The following ATXN7L1 variants were observed in gnomAD, a reference collection of about 807,000 sequenced individuals.
ATXN7L1 encodes ataxin-7-like protein 1.
ATXN7L1 carries 15 observed loss-of-function variants against 70.8 expected under a neutral mutation model. The ratio of observed to expected loss-of-function variants is 0.21; its 90% CI spans 0.14 to 0.33. The LOEUF is 0.33. Ranked by LOEUF, ATXN7L1 falls within the 10% of genes least tolerant of loss-of-function variation. The pLI is 1.00. For synonymous variants in ATXN7L1, 440 were observed against 445.1 expected, an observed-to-expected ratio of 0.99 and a Z score of 0.14; for missense variants, 975 against 1,097.1, an observed-to-expected ratio of 0.89 and a Z score of 1.57.
intron 4 of ATXN7L1, among the ~76,000 whole-genome samples, chr7:105,660,216 C>T (rs1230218042): frequency 6.6e-6 from 1 of 152,122 alleles, no homozygotes; most frequent in African/African-American, 2.4e-5. Flanking sequence ...TGTGTGACCC[C>T]CCGAGCCATC....
At chr7:105,866,896 T>C (rs1817557563) in intron 2 of ATXN7L1, among the ~76,000 whole-genome samples, 1 of 152,220 alleles carries the variant, frequency 6.6e-6, no homozygotes, top group Non-Finnish European at 1.5e-5. Context: ...AGAAGAGGGA[T>C]TTGACCAGGA....
chr7:105,866,887 G>A (rs531639958), intron 2 of ATXN7L1, among the ~76,000 whole-genome samples: 14 of 152,202 alleles, frequency 9.2e-5, no homozygotes, highest in Non-Finnish European at 7.3e-5. Context: ...GGTCCTTAGA[G>A]AAGAGGGATT....
At chr7:105,810,462 C>A (rs1808268830) in intron 2 of ATXN7L1, among the ~76,000 whole-genome samples, 1 of 152,128 alleles carries the variant, frequency 6.6e-6, no homozygotes, top group East Asian at 1.9e-4. Flanking sequence ...TATAAAAAAA[C>A]AAACAAACAA....
chr7:105,768,116 C>G (rs1407080024), intron 3 of ATXN7L1, among the ~76,000 whole-genome samples: 1 of 152,230 alleles, frequency 6.6e-6, no homozygotes, highest in South Asian at 2.1e-4. Context: ...TGGGAACACT[C>G]TTCCTGCCAC....
At chr7:105,697,774 G>A (rs1417280849) in intron 3 of ATXN7L1, among the ~76,000 whole-genome samples, 2 of 152,186 alleles carry the variant, frequency 1.3e-5, no homozygotes, top group African/African-American at 4.8e-5. Context: ...TATTAATTTG[G>A]GGAAGTAATA....
chr7:105,631,863 G>C (rs1253267718), intron 7 of ATXN7L1, among the ~76,000 whole-genome samples: 3 of 152,266 alleles, frequency 2.0e-5, no homozygotes, highest in Non-Finnish European at 2.9e-5. Context: ...GCTCAGCGCA[G>C]AGTAGGAGTG....
At chr7:105,813,501 C>T (rs1808739992) in intron 2 of ATXN7L1, among the ~76,000 whole-genome samples, 1 of 152,054 alleles carries the variant, frequency 6.6e-6, no homozygotes, top group Non-Finnish European at 1.5e-5. Context: ...CCACGCCCAG[C>T]TAATTTTGTA....
intron 2 of ATXN7L1, among the ~76,000 whole-genome samples, chr7:105,850,677 G>A (rs1468866394): frequency 1.3e-5 from 2 of 152,162 alleles, no homozygotes; most frequent in African/African-American, 4.8e-5. Context: ...AGACACTGTG[G>A]TGTCTCCTTC....
chr7:105,744,569 C>G (rs898743143), intron 3 of ATXN7L1, among the ~76,000 whole-genome samples: 2 of 152,058 alleles, frequency 1.3e-5, no homozygotes, highest in African/African-American at 4.8e-5. Context: ...CTTAAAAAAG[C>G]CTTCCACCCA....
At chr7:105,775,759 C>T (rs1584975717) in intron 3 of ATXN7L1, among the ~76,000 whole-genome samples, 1 of 152,172 alleles carries the variant, frequency 6.6e-6, no homozygotes, top group African/African-American at 2.4e-5. Flanking sequence ...AGTGTCTAGG[C>T]CCACGTTCTT....
chr7:105,736,439 A>G (rs1386754556), intron 3 of ATXN7L1, among the ~76,000 whole-genome samples: 2 of 152,196 alleles, frequency 1.3e-5, no homozygotes, highest in African/African-American at 2.4e-5. Context: ...TTGCTGGCTC[A>G]GAACTTAAAA....
chr7:105,869,957 T>C (rs1818006285), intron 2 of ATXN7L1, among the ~76,000 whole-genome samples: 1 of 152,208 alleles, frequency 6.6e-6, no homozygotes, highest in Non-Finnish European at 1.5e-5. Context: ...ATAAAACTTA[T>C]CAATGATCAC....
At chr7:105,695,605 T>G (rs1291280495) in intron 3 of ATXN7L1, among the ~76,000 whole-genome samples, 1 of 152,198 alleles carries the variant, frequency 6.6e-6, no homozygotes, top group Non-Finnish European at 1.5e-5. Flanking sequence ...AGCTGTACAT[T>G]ATGAAGCTTG....
chr7:105,860,260 C>T (rs1816422530), intron 2 of ATXN7L1, among the ~76,000 whole-genome samples: 1 of 150,760 alleles, frequency 6.6e-6, no homozygotes, highest in Admixed American at 6.6e-5. Context: ...AAAATTTTAA[C>T]ACTGAGCTGC....
At chr7:105,793,920 G>T (rs953989667) in intron 2 of ATXN7L1, among the ~76,000 whole-genome samples, 1 of 151,884 alleles carries the variant, frequency 6.6e-6, no homozygotes, top group African/African-American at 2.4e-5. Flanking sequence ...ACCCCAACCC[G>T]CTATAGACAT....
At chr7:105,617,686 T>C (rs983131501) in intron 9 of ATXN7L1, 1 of 343,294 alleles carries the variant, frequency 2.9e-6, no homozygotes, top group African/African-American at 2.2e-5. Context: ...GTTTAAGCTT[T>C]GCACACTGGC....
chr7:105,681,994 G>A (rs941752707), intron 3 of ATXN7L1, among the ~76,000 whole-genome samples: 1 of 152,116 alleles, frequency 6.6e-6, no homozygotes, highest in African/African-American at 2.4e-5. Flanking sequence ...AGAGGCCGAG[G>A]CAGGAGGATC....
intron 4 of ATXN7L1, among the ~76,000 whole-genome samples, chr7:105,661,933 A>T (rs1417606349): frequency 6.6e-6 from 1 of 151,960 alleles, no homozygotes; most frequent in Non-Finnish European, 1.5e-5. Flanking sequence ...GAGTCTTTTC[A>T]CTACGAGCTA....
chr7:105,748,116 CA>C (rs10566200), intron 3 of ATXN7L1, among the ~76,000 whole-genome samples: 43,633 of 121,490 alleles, frequency 0.36, 7,705 homozygotes, highest in African/African-American at 0.57. Flanking sequence ...AACTCCATCT[CA>C]AAAAAAAAAA....
Sources: gnomAD v4.1 joint callset for allele counts (sites outside exome capture counted in the v4.1 genomes callset) on GRCh38, gnomAD v4.1.1 for gene constraint, MANE v1.5 for transcripts, NCBI Gene and HGNC (gene_info 2026-07-23, HGNC 2026-07-21) for gene names.